The following TSPOAP1 variants were observed in gnomAD, a reference collection of about 807,000 sequenced individuals.
TSPOAP1 encodes the protein peripheral-type benzodiazepine receptor-associated protein 1.
In TSPOAP1, 87 loss-of-function variants were observed where a neutral mutation model predicts 197.0. The observed-to-expected ratio is 0.44, with a 90% CI of 0.37 to 0.53. The LOEUF (loss-of-function observed/expected upper bound fraction) is 0.53, where lower values mean the gene tolerates loss of function less well. Among genes scored for constraint, TSPOAP1 ranks in the 20% least tolerant of loss-of-function variants. The pLI, the probability that TSPOAP1 is intolerant of heterozygous loss-of-function variation, is 0.00. For synonymous variants in TSPOAP1, 913 were observed against 998.9 expected, an observed-to-expected ratio of 0.91 and a Z score of 1.62; for missense variants, 2,174 against 2,411.3, an observed-to-expected ratio of 0.90 and a Z score of 2.06.
At position 58,324,462 on chromosome 17, in the gene TSPOAP1, G is replaced by A. The variant is rs993524746; in HGVS notation, c.942+349C>T. ...GGCGTCCCCGCTCTACGGCGGCGGC[G>A]GGAGGAGGCGGCGCGGGCTGGGCCC... On this transcript the variant is annotated intron_variant, in intron 5 of 31. Transcript: ENST00000343736. The surrounding 1 kb of genome is among the most constrained non-coding windows in gnomAD (Gnocchi z 5.8). Among the ~76,000 whole-genome samples, 1 of 151,862 alleles carries A rather than the reference G, an allele frequency of 6.6e-6. No individual in the cohort carries two copies. The highest frequency in any genetic ancestry group is 2.4e-5 in the African/African-American group (1 of 41,386).
chr17:58,310,927 C>T lies in TSPOAP1; in HGVS notation c.3368G>A (p.Gly1123Glu), dbSNP rs1430799074. 1.3e-6 allele frequency: 2 copies of T among 1,557,790 alleles called. No homozygotes were observed. The highest frequency in any genetic ancestry group is 2.8e-5 in the African/African-American group (2 of 72,396). The change falls in exon 19 of 32, where the codon GGA becomes GAA. Residue 1123 changes from glycine to glutamate, a missense_variant. By Grantham distance (98) the Gly-to-Glu change is moderately conservative. Coordinates refer to ENST00000343736, the MANE Select transcript of TSPOAP1 (RefSeq NM_004758.4). ...GGGTGCTCCTGGAGGCTCTTGAGTT[C>T]CAAGGGGAGCAGGGTGCTGGAGAGG... ...SSPLQHPAPL[G>E]TQEPPGAPPA...
chr17:58,327,078 C>T (rs1215578289), intron 1 of TSPOAP1, among the ~76,000 whole-genome samples: 2 of 152,162 alleles, frequency 1.3e-5, no homozygotes, highest in Admixed American at 6.5e-5. Flanking sequence ...CGAGCTCCCA[C>T]TCCCATCCCT....
chr17:58,321,075 A>G (rs1228371374), intron 10 of TSPOAP1, among the ~76,000 whole-genome samples: 2 of 152,140 alleles, frequency 1.3e-5, no homozygotes, highest in Non-Finnish European at 2.9e-5. Context: ...CCCCAGGCTC[A>G]TGTATCCAAG....
chr17:58,312,379 A>T lies in TSPOAP1; in HGVS notation c.2442T>A (p.Pro814=). The T allele has an allele frequency of 6.2e-7, 1 of 1,612,064 alleles. No individual in the cohort carries two copies. The highest frequency in any genetic ancestry group is 1.3e-5 in the African/African-American group (1 of 75,024). ...AHSVVLAWEP[P]PEQVELHGFH... ...AGCCGTGTAGCTCCACTTGCTCAGG[A>T]GGCGGCTCCCAGGCCAGCACCACGC... is the stretch of plus-strand genomic sequence containing the variant. The change falls in exon 17 of 32, where the codon CCT becomes CCA. Residue 814 remains proline, a synonymous_variant. Transcript: ENST00000343736.
At chr17:58,306,630 GGCCA>G in intron 25 of TSPOAP1, 166 bp downstream of exon 25, 1 of 970,628 alleles carries the variant, frequency 1.0e-6, no homozygotes, top group Non-Finnish European at 1.5e-6. Flanking sequence ...CACTCCACGC[GGCCA>G]GCCCACGTAC....
rs773969781 is a variant in TSPOAP1 at position 58,323,020 on chromosome 17, G to A, written c.1124C>T (p.Ala375Val). The change falls in exon 8 of 32, where the codon GCG becomes GTG. Residue 375 changes from alanine to valine, a missense_variant. Physicochemically the swap from Ala to Val is moderately conservative, Grantham distance 64. This residue lies in a region of TSPOAP1 where 1,933 missense variants were observed against 2,139.0 expected (regional missense o/e 0.90). Transcript: ENST00000343736. ...CACCAGGCGGGCATTCTCATTCTGCGCTTGTCTCAGCTGCAGTTCCTGAGC... is the reference window on the plus strand; with the variant it reads ...CACCAGGCGGGCATTCTCATTCTGCACTTGTCTCAGCTGCAGTTCCTGAGC... ...CEELELQLRQ[A>V]QNENARLVEE... 17 of 1,609,552 alleles carry A rather than the reference G, an allele frequency of 1.1e-5. No homozygotes were observed. Among genetic ancestry groups the A allele is most frequent in the South Asian group, 2.2e-5 (2 of 90,210 alleles).
chr17:58,308,044 A>C, intron 22 of TSPOAP1, 103 bp from the exon 23 acceptor site: 1 of 1,170,826 alleles, frequency 8.5e-7, no homozygotes, highest in Non-Finnish European at 1.2e-6. Flanking sequence ...ACAGCAGCGC[A>C]GGAGCACAGC....
Position 58,316,052 on chromosome 17 carries a change from C to T in TSPOAP1, c.2069G>A (p.Gly690Asp), listed in dbSNP as rs769107638. 7.4e-6 allele frequency: 12 copies of T among 1,613,960 alleles called. No homozygotes were observed. The South Asian group carries it at 1.3e-4, about 18-fold the overall frequency. ...AAAAAAGCCATCCTCATCCATGTTG[C>T]CATAGATGTAGATGTACTCGCCAGC... ...LTAGEYIYIY[G>D]NMDEDGFFEG... Residue 690 changes from glycine to aspartate, a missense_variant, in exon 16 of 32, where the codon GGC becomes GAC. Around this residue, in one of 5 missense-constraint regions of TSPOAP1, gnomAD observed 1,933 missense variants for 2,139.0 expected, o/e 0.90. Coordinates refer to ENST00000343736, the MANE Select transcript of TSPOAP1 (RefSeq NM_004758.4).
intron 14 of TSPOAP1, 104 bp downstream of exon 14, chr17:58,318,176 A>ACT: frequency 7.2e-7 from 1 of 1,384,246 alleles, no homozygotes. Context: ...GGACCCCAGA[A>ACT]GTTGCCACCC....
In TSPOAP1 at chr17:58,323,505, A is replaced by G; in HGVS notation, c.983T>C (p.Leu328Pro). The change falls in exon 6 of 32, where the codon CTA becomes CCA. Residue 328 changes from leucine (L) to proline (P), a missense_variant. This residue lies in a region of TSPOAP1 where 1,933 missense variants were observed against 2,139.0 expected (regional missense o/e 0.90). Transcript: ENST00000343736. Reference protein sequence around the residue: ...QEDADNLPVILGEPEKEQRVQ... With the variant: ...QEDADNLPVIPGEPEKEQRVQ... ...CCTCTGCTCTTTCTCTGGCTCCCCT[A>G]GAATCACGGGTAGGTTGTCCGCATC... 6.2e-7 allele frequency: 1 copy of G among 1,614,166 alleles called. No homozygotes were observed. The highest frequency in any genetic ancestry group is 8.5e-7 in the Non-Finnish European group (1 of 1,180,002).
At chr17:58,317,303 C>T (rs2143082888) in intron 14 of TSPOAP1, among the ~76,000 whole-genome samples, 1 of 152,322 alleles carries the variant, frequency 6.6e-6, no homozygotes, top group East Asian at 1.9e-4. Flanking sequence ...GCAGAAGGAG[C>T]TTGAGGGGTC....
intron 16 of TSPOAP1, among the ~76,000 whole-genome samples, chr17:58,314,016 GA>G (rs1971143989): frequency 6.6e-6 from 1 of 152,016 alleles, no homozygotes; most frequent in Non-Finnish European, 1.5e-5. Flanking sequence ...ATTTAAAGAA[GA>G]AAAAAAGGTC....
rs542509034 is a variant in TSPOAP1, at chr17:58,302,203, C to G, written c.*277G>C. The G allele has an allele frequency of 1.1e-5, 14 of 1,267,506 alleles. No homozygotes were observed. Among genetic ancestry groups the G allele is most frequent in the Admixed American group, 2.4e-5 (1 of 41,226 alleles). The allele number at this position is 1,267,506 out of a possible 1,614,324, so 78.5% of individuals were successfully genotyped here. A position where few individuals can be genotyped will look rare whatever the true frequency, so the allele number is the denominator to read the frequency against. On this transcript the variant is annotated 3_prime_UTR_variant, in exon 32 of 32. Coordinates refer to ENST00000343736, the MANE Select transcript of TSPOAP1 (RefSeq NM_004758.4). ...CTGGGCCCAGTCTGAGCCTTCCCTG[C>G]TCAGCAGAGACAGTGATCTGGGGGC...
chr17:58,318,698 T>C (rs561516436), intron 13 of TSPOAP1, among the ~76,000 whole-genome samples: 1 of 152,188 alleles, frequency 6.6e-6, no homozygotes, highest in Non-Finnish European at 1.5e-5. Flanking sequence ...TACGAAACTA[T>C]GGCCCAGAGA....
intron 13 of TSPOAP1, 46 bp from the exon 14 acceptor site, chr17:58,318,498 G>T: frequency 6.4e-7 from 1 of 1,564,140 alleles, no homozygotes; most frequent in Non-Finnish European, 8.7e-7. Flanking sequence ...GGCCTGAGGA[G>T]GGACCAGGAG....
chr17:58,311,058 A>T lies in TSPOAP1; in HGVS notation c.3237T>A (p.Ala1079=). 6.3e-7 allele frequency: 1 copy of T among 1,580,090 alleles called. No homozygotes were observed. Among genetic ancestry groups the T allele is most frequent in the Non-Finnish European group, 8.6e-7 (1 of 1,163,280 alleles). Residue 1079 remains alanine (A), a synonymous_variant, in exon 19 of 32, where the codon GCT becomes GCA. Coordinates refer to ENST00000343736, the MANE Select transcript of TSPOAP1 (RefSeq NM_004758.4). ...AGACTCGGGCTGGCAGGCTGGCCGG[A>T]GCCAGGGCGGGAGTGATAGGAGCCG... is the stretch of plus-strand genomic sequence containing the variant. ...SIPAPITPAL[A]PASLPARVSC... is the part of the protein sequence containing the mutation.
Position 58,310,928 on chromosome 17 carries a change from C to G in TSPOAP1, c.3367G>C (p.Gly1123Arg). 6.4e-7 allele frequency: 1 copy of G among 1,558,400 alleles called. No homozygotes were observed. The highest frequency in any genetic ancestry group is 8.6e-7 in the Non-Finnish European group (1 of 1,157,448). ...SSPLQHPAPLGTQEPPGAPPA... is the reference protein window; with the variant it reads ...SSPLQHPAPLRTQEPPGAPPA... ...GGTGCTCCTGGAGGCTCTTGAGTTCCAAGGGGAGCAGGGTGCTGGAGAGGA... is the reference window on the plus strand; with the variant it reads ...GGTGCTCCTGGAGGCTCTTGAGTTCGAAGGGGAGCAGGGTGCTGGAGAGGA... The change falls in exon 19 of 32, where the codon GGA (glycine) becomes CGA (arginine). Residue 1123 changes from glycine (G) to arginine (R), a missense_variant. Coordinates refer to ENST00000343736, the MANE Select transcript of TSPOAP1 (RefSeq NM_004758.4).
Position 58,306,981 on chromosome 17 carries a change from C to G in TSPOAP1, c.4984-13G>C. ...TGTCCCCAAACACCTGGAGGCAAAA[C>G]CAGTGGTCTCAGCCAGTTCTGCTCA... On this transcript the variant is annotated splice_polypyrimidine_tract_variant and intron_variant, in intron 24 of 31. Transcript: ENST00000343736. The G allele has an allele frequency of 6.2e-7, 1 of 1,609,942 alleles. No individual in the cohort carries two copies. The highest frequency in any genetic ancestry group is 1.1e-5 in the South Asian group (1 of 91,044).
At position 58,309,725 on chromosome 17, in the gene TSPOAP1, G is replaced by A. The variant is rs929738524; in HGVS notation, c.3891+242C>T. 4.3e-4 allele frequency among the ~76,000 whole-genome samples: 66 copies of A among 152,340 alleles called. No homozygotes were observed. Among genetic ancestry groups the A allele is most frequent in the African/African-American group, 1.5e-3 (64 of 41,574 alleles). ...GGCACCGGCCTCCCCTGGCCAGGGC[G>A]CTGTATCTGGTGGGCTGGAGGGAGA... On this transcript the variant is annotated intron_variant, in intron 21 of 31. Coordinates refer to ENST00000343736, the MANE Select transcript of TSPOAP1 (RefSeq NM_004758.4). This position sits in a 1 kb window ranked among gnomAD's most constrained non-coding sequence, Gnocchi z 5.0.
Sources: allele counts gnomAD v4.1 joint callset (sites outside exome capture counted in the v4.1 genomes callset), GRCh38; gene constraint gnomAD v4.1.1; regional missense constraint gnomAD v4.1.1; non-coding constraint Gnocchi (gnomAD v3.1); transcripts MANE v1.5; gene names NCBI Gene and HGNC (gene_info 2026-07-23, HGNC 2026-07-21).